TRIM4: variants seen among roughly 807,000 people sequenced by gnomAD.
TRIM4 encodes E3 ubiquitin-protein ligase TRIM4.
A neutral mutation model predicts 33.7 loss-of-function variants in TRIM4; 29 were observed. The ratio of observed to expected loss-of-function variants is 0.86; its 90% CI spans 0.64 to 1.17. The LOEUF is 1.17. Among genes scored for constraint, TRIM4 ranks in the 50% most tolerant of loss-of-function variants. The pLI, the probability that TRIM4 is intolerant of heterozygous loss-of-function variation, is 0.00. For synonymous variants in TRIM4, 224 were observed against 233.0 expected (o/e 0.96, Z 0.35); for missense variants, 554 against 593.7 (o/e 0.93, Z 0.69).
intron 1 of TRIM4, among the ~76,000 whole-genome samples, chr7:99,918,766 C>T (rs978548207): frequency 6.6e-6 from 1 of 152,100 alleles, no homozygotes; most frequent in Non-Finnish European, 1.5e-5. Flanking sequence ...TTATGAGCTC[C>T]CCAAGGGCCA....
chr7:99,915,859 A>C (rs979286275), intron 1 of TRIM4, among the ~76,000 whole-genome samples: 1 of 152,182 alleles, frequency 6.6e-6, no homozygotes, highest in Non-Finnish European at 1.5e-5. Context: ...TCTTCTAAGA[A>C]GTCTTCTCAG....
At chr7:99,903,470 G>T (rs1025506489) in intron 4 of TRIM4, 106 bp downstream of exon 4, 5 of 1,472,910 alleles carry the variant, frequency 3.4e-6, no homozygotes, top group Non-Finnish European at 3.8e-6. Context: ...ACCCCCATTA[G>T]GGTGTGCCCA....
In TRIM4 at chr7:99,892,228, G is replaced by A. The variant is rs868364660; in HGVS notation, c.1360C>T (p.Arg454Trp). 1.3e-5 allele frequency: 21 copies of A among 1,613,938 alleles called. No individual in the cohort carries two copies. The highest frequency in any genetic ancestry group is 2.7e-5 in the African/African-American group (2 of 74,900). ...TFSCSSVSRL[R>W]PFFWLSPLAS... is the part of the protein sequence containing the mutation. ...AATGGACTCAACCAAAAAAATGGCCGGAGGCGTGAGACAGAAGAACAAGAA... is the reference window on the plus strand; with the variant it reads ...AATGGACTCAACCAAAAAAATGGCCAGAGGCGTGAGACAGAAGAACAAGAA... Residue 454 changes from arginine (R) to tryptophan (W), a missense_variant, in exon 6 of 6, where the codon CGG becomes TGG. Transcript: ENST00000349062.
intron 1 of TRIM4, chr7:99,916,899 C>A: frequency 1.4e-6 from 1 of 691,540 alleles, no homozygotes; most frequent in Non-Finnish European, 2.6e-6. Flanking sequence ...CATGATAAGG[C>A]CCTGCCTTTT....
In TRIM4 at chr7:99,892,121, C is replaced by G; in HGVS notation, c.*42G>C. On this transcript the variant is annotated 3_prime_UTR_variant, in exon 6 of 6. Transcript: ENST00000349062. ...GGGCCCAGGGATGTGTGTCCCTCAGCTGGACTACAGGGAAGGAGTTTTGGT... is the reference window on the plus strand; with the variant it reads ...GGGCCCAGGGATGTGTGTCCCTCAGGTGGACTACAGGGAAGGAGTTTTGGT... 6.6e-7 allele frequency: 1 copy of G among 1,517,642 alleles called. No individual in the cohort carries two copies. Among genetic ancestry groups the G allele is most frequent in the Non-Finnish European group, 8.9e-7 (1 of 1,123,042 alleles). The allele number at this position is 1,517,642 out of a possible 1,614,324, so 94.0% of individuals were successfully genotyped here. A position where few individuals can be genotyped will look rare whatever the true frequency, so the allele number is the denominator to read the frequency against.
At chr7:99,918,674 T>C (rs879555201) in intron 1 of TRIM4, among the ~76,000 whole-genome samples, 1 of 152,236 alleles carries the variant, frequency 6.6e-6, no homozygotes, top group Non-Finnish European at 1.5e-5. Context: ...CGTTTCCTTA[T>C]CTTACCAGAA....
chr7:99,915,984 GCA>G (rs1328370739), intron 1 of TRIM4, among the ~76,000 whole-genome samples: 2 of 152,144 alleles, frequency 1.3e-5, no homozygotes, highest in Non-Finnish European at 2.9e-5. Flanking sequence ...CATCTCTGTG[GCA>G]CAGTTGCCTC....
At chr7:99,905,699 G>T (rs1182895502) in intron 3 of TRIM4, among the ~76,000 whole-genome samples, 2 of 152,138 alleles carry the variant, frequency 1.3e-5, no homozygotes, top group African/African-American at 4.8e-5. Context: ...ATCAGATTTT[G>T]CCCTTGGAGG....
At chr7:99,909,154 G>GTGTGTGTA (rs1245137885) in intron 2 of TRIM4, among the ~76,000 whole-genome samples, 4 of 151,806 alleles carry the variant, frequency 2.6e-5, no homozygotes, top group Non-Finnish European at 4.4e-5. Context: ...GTGTGTGTGT[G>GTGTGTGTA]TGTGCGTGTG....
intron 5 of TRIM4, chr7:99,901,843 A>G (rs1819177287): frequency 6.4e-6 from 3 of 465,286 alleles, no homozygotes; most frequent in Middle Eastern, 5.6e-4. Flanking sequence ...ACAACTAGGA[A>G]GCTCCTCCAT....
rs1818920191 is a variant in TRIM4 at position 99,892,647 on chromosome 7, A to C, written c.941T>G (p.Val314Gly). Residue 314 changes from valine (V) to glycine (G), a missense_variant, in exon 6 of 6, where the codon GTG becomes GGG. Around this residue, in one of 3 missense-constraint regions of TRIM4, gnomAD observed 290 missense variants for 335.8 expected, o/e 0.86. Coordinates refer to ENST00000349062, the MANE Select transcript of TRIM4 (RefSeq NM_033091.3). ...KNTASASSWPVFSSAWNYFAG... is the reference protein window; with the variant it reads ...KNTASASSWPGFSSAWNYFAG... The stretch of plus-strand genomic sequence containing the variant: ...AAAGTAGTTCCATGCTGAAGAAAAC[A>C]CTGGCCAAGAACTGGCTGATGCTGT... 2 of 1,614,178 alleles carry C rather than the reference A, an allele frequency of 1.2e-6. No individual in the cohort carries two copies. Among genetic ancestry groups the C allele is most frequent in the Non-Finnish European group, 1.7e-6 (2 of 1,180,038 alleles).
At position 99,903,613 on chromosome 7, in the gene TRIM4, A is replaced by G; in HGVS notation, c.721-15T>C. ...TCTTTTGGATTCTGTGAAAAGAAGG[A>G]AGACATAAGCAAATTACGAACCTTC... is the stretch of plus-strand genomic sequence containing the variant. On this transcript the variant is annotated splice_polypyrimidine_tract_variant and intron_variant, in intron 3 of 5. Coordinates refer to ENST00000349062, the MANE Select transcript of TRIM4 (RefSeq NM_033091.3). The G allele has an allele frequency of 6.2e-7, 1 of 1,614,236 alleles. No individual in the cohort carries two copies. Among genetic ancestry groups the G allele is most frequent in the South Asian group, 1.1e-5 (1 of 91,090 alleles).
intron 5 of TRIM4, among the ~76,000 whole-genome samples, chr7:99,896,380 G>A (rs1819017030): frequency 6.6e-6 from 1 of 152,200 alleles, no homozygotes; most frequent in Non-Finnish European, 1.5e-5. Flanking sequence ...AATGCAGGCT[G>A]TACAGAGGAT....
At position 99,891,288 on chromosome 7, in the gene TRIM4, A is replaced by C. The variant is rs1818887633; in HGVS notation, c.*875T>G. 6.6e-6 allele frequency: 1 copy of C among 152,224 alleles called. No homozygotes were observed. Among genetic ancestry groups the C allele is most frequent in the Non-Finnish European group, 1.5e-5 (1 of 68,040 alleles). 9.4% of individuals were successfully genotyped at this position (152,224 alleles called of 1,614,324 possible). ...CTGAGCTAGTTACTCTAAAGAGTTCAGTTTTCTCATTTGTACAAATAGGAT... is the reference window on the plus strand; with the variant it reads ...CTGAGCTAGTTACTCTAAAGAGTTCCGTTTTCTCATTTGTACAAATAGGAT... On this transcript the variant is annotated 3_prime_UTR_variant, in exon 6 of 6. Transcript: ENST00000349062.
At chr7:99,901,260 T>C (rs1038575641) in intron 5 of TRIM4, 9 of 152,266 alleles carry the variant, frequency 5.9e-5, no homozygotes, top group African/African-American at 1.7e-4. Flanking sequence ...TTCGCCTTAA[T>C]CACATTTTTC....
intron 1 of TRIM4, among the ~76,000 whole-genome samples, chr7:99,910,836 T>C (rs1026603494): frequency 6.6e-6 from 1 of 152,084 alleles, no homozygotes; most frequent in Non-Finnish European, 1.5e-5. Context: ...CACCCGATAG[T>C]AGGATGTCAG....
At chr7:99,917,324 AT>A (rs770361294) in intron 1 of TRIM4, among the ~76,000 whole-genome samples, 24 of 152,378 alleles carry the variant, frequency 1.6e-4, no homozygotes, top group Non-Finnish European at 3.1e-4. Context: ...AGGAATGAAC[AT>A]ACACTTTCTA....
At chr7:99,900,632 C>T (rs1005687573) in intron 5 of TRIM4, among the ~76,000 whole-genome samples, 2 of 152,212 alleles carry the variant, frequency 1.3e-5, no homozygotes, top group African/African-American at 4.8e-5. Flanking sequence ...CTTGAAGTGT[C>T]AGTCTGCTGT....
intron 4 of TRIM4, 107 bp from the exon 5 acceptor site, chr7:99,903,422 T>C: frequency 7.4e-7 from 1 of 1,344,260 alleles, no homozygotes; most frequent in East Asian, 2.3e-5. Context: ...CTGTTCCCAT[T>C]CCTCCTCCCA....
Sources: allele counts gnomAD v4.1 joint callset (sites outside exome capture counted in the v4.1 genomes callset), GRCh38; gene constraint gnomAD v4.1.1; regional missense constraint gnomAD v4.1.1; transcripts MANE v1.5; gene names NCBI Gene and HGNC (gene_info 2026-07-23, HGNC 2026-07-21).